CBR4: variants seen among roughly 807,000 people sequenced by gnomAD.
The protein encoded by CBR4 is carbonyl reductase 4, also known as 3-oxoacyl-[acyl-carrier-protein] reductase.
A neutral mutation model predicts 21.0 loss-of-function variants in CBR4; 22 were observed. The observed-to-expected ratio is 1.05, with a 90% CI of 0.75 to 1.50. The LOEUF (loss-of-function observed/expected upper bound fraction) is 1.50, where lower values mean the gene tolerates loss of function less well. Among genes scored for constraint, CBR4 ranks in the 40% most tolerant of loss-of-function variants. The pLI is 0.00. For missense variants in CBR4, 302 were observed against 286.3 expected, an observed-to-expected ratio of 1.05 and a Z score of -0.40; for synonymous variants, 100 against 104.4, an observed-to-expected ratio of 0.96 and a Z score of 0.26.
chr4:168,925,153 C>T, intron 2 of CBR4: 1 of 1,585,238 alleles, frequency 6.3e-7, no homozygotes, highest in South Asian at 1.1e-5. Context: ...GACAGCAAAT[C>T]ACATTACTCT....
At chr4:168,913,452 A>C (rs1170784793) in intron 2 of CBR4, among the ~76,000 whole-genome samples, 1 of 152,072 alleles carries the variant, frequency 6.6e-6, no homozygotes, top group African/African-American at 2.4e-5. Context: ...CTAACATTTA[A>C]TTAGTATATT....
At chr4:168,980,822 C>A (rs896024099) in intron 2 of CBR4, among the ~76,000 whole-genome samples, 2 of 152,150 alleles carry the variant, frequency 1.3e-5, no homozygotes, top group Non-Finnish European at 2.9e-5. Context: ...CAAGTTACAC[C>A]ATGATTAAAG....
At chr4:168,921,101 G>A (rs1041782480) in intron 2 of CBR4, among the ~76,000 whole-genome samples, 3 of 152,052 alleles carry the variant, frequency 2.0e-5, no homozygotes, top group African/African-American at 7.2e-5. Context: ...AGTAACATGA[G>A]CTGATACTAA....
At chr4:168,897,692 T>TCCTCCCA (rs1755517165) in intron 2 of CBR4, among the ~76,000 whole-genome samples, 2 of 152,232 alleles carry the variant, frequency 1.3e-5, no homozygotes, top group African/African-American at 4.8e-5. Flanking sequence ...CCAGAAGCAA[T>TCCTCCCA]CCTCCCACCT....
At chr4:168,926,709 G>A (rs1762621814) in intron 2 of CBR4, 1 of 326,538 alleles carries the variant, frequency 3.1e-6, no homozygotes, top group Non-Finnish European at 5.7e-6. Flanking sequence ...TTATCTACAA[G>A]TGCCTTTAAA....
At chr4:168,972,575 T>G (rs1212084414) in intron 2 of CBR4, among the ~76,000 whole-genome samples, 1 of 152,244 alleles carries the variant, frequency 6.6e-6, no homozygotes, top group Non-Finnish European at 1.5e-5. Flanking sequence ...GATTTGATTC[T>G]CAGCTTGGTT....
intron 2 of CBR4, among the ~76,000 whole-genome samples, chr4:168,920,217 G>A (rs1258280333): frequency 6.6e-6 from 1 of 152,218 alleles, no homozygotes; most frequent in East Asian, 1.9e-4. Context: ...ATAGATAGGA[G>A]AACACAGAGC....
At chr4:168,926,103 G>A (rs1161346399) in intron 2 of CBR4, 13 of 831,698 alleles carry the variant, frequency 1.6e-5, no homozygotes, top group Non-Finnish European at 2.3e-5. Flanking sequence ...TACCATGGAT[G>A]TGTTCAGGTG....
chr4:169,008,119 T>G (rs1476073945), intron 1 of CBR4, among the ~76,000 whole-genome samples: 1 of 152,210 alleles, frequency 6.6e-6, no homozygotes, highest in African/African-American at 2.4e-5. Flanking sequence ...ATTCCTTTTT[T>G]GAAATTTATG....
At chr4:168,961,191 A>C (rs1300135240) in intron 2 of CBR4, among the ~76,000 whole-genome samples, 1 of 152,234 alleles carries the variant, frequency 6.6e-6, no homozygotes, top group Non-Finnish European at 1.5e-5. Context: ...GACATAAATC[A>C]TATGAATACC....
intron 2 of CBR4, among the ~76,000 whole-genome samples, chr4:168,960,895 A>T (rs1024753760): frequency 6.6e-6 from 1 of 152,206 alleles, no homozygotes; most frequent in Non-Finnish European, 1.5e-5. Context: ...ATAATAACAC[A>T]ACTCTATAAG....
chr4:168,916,359 A>G (rs541659949), intron 2 of CBR4, among the ~76,000 whole-genome samples: 1 of 152,248 alleles, frequency 6.6e-6, no homozygotes, highest in South Asian at 2.1e-4. Flanking sequence ...TATGTGAGCT[A>G]TGATCGAGCC....
At chr4:168,930,819 A>G (rs1335930238) in intron 2 of CBR4, among the ~76,000 whole-genome samples, 1 of 152,112 alleles carries the variant, frequency 6.6e-6, no homozygotes, top group Non-Finnish European at 1.5e-5. Flanking sequence ...CACTGCAAAC[A>G]CCTACAATCC....
chr4:168,932,637 T>C (rs1450049239), intron 2 of CBR4, among the ~76,000 whole-genome samples: 1 of 152,090 alleles, frequency 6.6e-6, no homozygotes, highest in African/African-American at 2.4e-5. Flanking sequence ...TATAGTCAAA[T>C]TGTCAAAAGT....
At chr4:168,959,442 T>C (rs1297093799) in intron 2 of CBR4, among the ~76,000 whole-genome samples, 1 of 152,128 alleles carries the variant, frequency 6.6e-6, no homozygotes, top group Middle Eastern at 3.2e-3. Context: ...TGTCACATCA[T>C]AGTTCATCTT....
At chr4:168,920,537 G>A (rs1403052751) in intron 2 of CBR4, among the ~76,000 whole-genome samples, 1 of 152,132 alleles carries the variant, frequency 6.6e-6, no homozygotes, top group Non-Finnish European at 1.5e-5. Context: ...CCTTAACAGT[G>A]CATTTCTTCC....
intron 2 of CBR4, among the ~76,000 whole-genome samples, chr4:168,978,168 T>G (rs1362382619): frequency 6.6e-6 from 1 of 152,194 alleles, no homozygotes; most frequent in Non-Finnish European, 1.5e-5. Context: ...CCATGGCTGT[T>G]CAATTCCTGA....
At chr4:168,994,990 G>T (rs547612520) in intron 4 of CBR4, among the ~76,000 whole-genome samples, 2 of 152,218 alleles carry the variant, frequency 1.3e-5, no homozygotes, top group African/African-American at 4.8e-5. Flanking sequence ...CTGGCCTTAG[G>T]TGATCAGCCT....
At chr4:168,981,686 G>A (rs1340134517) in intron 2 of CBR4, among the ~76,000 whole-genome samples, 2 of 152,140 alleles carry the variant, frequency 1.3e-5, no homozygotes, top group African/African-American at 4.8e-5. Context: ...ATATACAAAG[G>A]AAACTCCATC....
Sources: gnomAD v4.1 joint callset for allele counts (sites outside exome capture counted in the v4.1 genomes callset) on GRCh38, gnomAD v4.1.1 for gene constraint, MANE v1.5 for transcripts, NCBI Gene and HGNC (gene_info 2026-07-23, HGNC 2026-07-21) for gene names.